Variants in ZRANB3 observed in about 807,000 individuals in gnomAD.
ZRANB3 encodes the protein zinc finger RANBP2-type containing 3.
A neutral mutation model predicts 133.8 loss-of-function variants in ZRANB3; 125 were observed. The observed-to-expected ratio is 0.93, with a 90% CI of 0.81 to 1.08. The LOEUF (loss-of-function observed/expected upper bound fraction) is 1.08. Among genes scored for constraint, ZRANB3 ranks in the 50% least tolerant of loss-of-function variants. The probability of loss-of-function intolerance (pLI) is 0.00; values close to 1 mark genes in which losing one functional copy is unlikely to be tolerated. For missense variants in ZRANB3, 1,229 were observed against 1,275.5 expected (o/e 0.96, Z 0.56); for synonymous variants, 387 against 432.7 (o/e 0.89, Z 1.31).
At chr2:135,335,678 G>C (rs1684336948) in intron 6 of ZRANB3, among the ~76,000 whole-genome samples, 1 of 151,484 alleles carries the variant, frequency 6.6e-6, no homozygotes, top group Admixed American at 6.6e-5. Context: ...AGGCAAAAGA[G>C]CAAGACTCTG....
At chr2:135,416,276 C>G (rs1303436572) in intron 2 of ZRANB3, among the ~76,000 whole-genome samples, 1 of 152,032 alleles carries the variant, frequency 6.6e-6, no homozygotes, top group Non-Finnish European at 1.5e-5. Flanking sequence ...GATACAAAAT[C>G]AATGTGCAAA....
At chr2:135,264,452 T>C (rs116685148) in intron 12 of ZRANB3, among the ~76,000 whole-genome samples, 4 of 125,268 alleles carry the variant, frequency 3.2e-5, no homozygotes, top group Admixed American at 9.4e-5. Flanking sequence ...GCCAGGGCAA[T>C]AGTGCAAGAC....
At chr2:135,314,265 G>A (rs945937579) in intron 7 of ZRANB3, among the ~76,000 whole-genome samples, 1 of 152,176 alleles carries the variant, frequency 6.6e-6, no homozygotes, top group Non-Finnish European at 1.5e-5. Flanking sequence ...TTTGTAAAAA[G>A]ATGTGGTTTG....
At chr2:135,417,747 G>A (rs962682534) in intron 2 of ZRANB3, among the ~76,000 whole-genome samples, 4 of 152,204 alleles carry the variant, frequency 2.6e-5, no homozygotes, top group African/African-American at 9.7e-5. Flanking sequence ...TTAAGAAAAT[G>A]TGGCACATAT....
chr2:135,475,715 T>C (rs1559023547), intron 2 of ZRANB3, among the ~76,000 whole-genome samples: 2 of 152,196 alleles, frequency 1.3e-5, no homozygotes, highest in Admixed American at 6.5e-5. Context: ...CACAAAAACA[T>C]ACACAGTGCC....
At chr2:135,364,056 A>C (rs145034517) in intron 3 of ZRANB3, among the ~76,000 whole-genome samples, 1 of 152,012 alleles carries the variant, frequency 6.6e-6, no homozygotes, top group Non-Finnish European at 1.5e-5. Context: ...TAAAAATAAA[A>C]GAAATGAAGG....
At chr2:135,253,452 C>G (rs1016479703) in intron 12 of ZRANB3, among the ~76,000 whole-genome samples, 1 of 152,090 alleles carries the variant, frequency 6.6e-6, no homozygotes, top group Non-Finnish European at 1.5e-5. Flanking sequence ...CTATGCTTTG[C>G]TTAACAACGG....
chr2:135,361,251 T>C (rs1685682726), intron 3 of ZRANB3, among the ~76,000 whole-genome samples: 1 of 152,190 alleles, frequency 6.6e-6, no homozygotes, highest in East Asian at 1.9e-4. Context: ...CAGTGTTTCA[T>C]CACCATTAAG....
At chr2:135,441,991 T>C (rs1025117402) in intron 2 of ZRANB3, among the ~76,000 whole-genome samples, 2 of 152,124 alleles carry the variant, frequency 1.3e-5, no homozygotes, top group Non-Finnish European at 2.9e-5. Flanking sequence ...TATATCGCCA[T>C]ATGTAGAAAG....
Position 135,504,183 on chromosome 2 carries a change from T to C in ZRANB3, c.161+146A>G, listed in dbSNP as rs535557334. On this transcript the variant is annotated intron_variant, in intron 2 of 20. Transcript: ENST00000264159. Reference sequence around the variant, plus strand: ...TTCAACATGAAGTATAAGTCAACCATAGTAAATGGATAAAGCTAACTTGGT... The same window carrying C: ...TTCAACATGAAGTATAAGTCAACCACAGTAAATGGATAAAGCTAACTTGGT... 2.7e-5 allele frequency: 24 copies of C among 878,842 alleles called. No individual in the cohort carries two copies. The African/African-American group carries it at 3.5e-4, about 13-fold the overall frequency. The allele number at this position is 878,842 out of a possible 1,614,324, so 54.4% of individuals were successfully genotyped here. A position where few individuals can be genotyped will look rare whatever the true frequency, so the allele number is the denominator to read the frequency against.
At chr2:135,324,941 A>T (rs1683737940) in intron 6 of ZRANB3, among the ~76,000 whole-genome samples, 1 of 152,000 alleles carries the variant, frequency 6.6e-6, no homozygotes, top group African/African-American at 2.4e-5. Context: ...TTTTCTTGTA[A>T]ATTTGTTTAA....
intron 2 of ZRANB3, among the ~76,000 whole-genome samples, chr2:135,416,311 T>G (rs1289551935): frequency 6.6e-6 from 1 of 151,974 alleles, no homozygotes; most frequent in Admixed American, 6.6e-5. Flanking sequence ...TTATACACCA[T>G]CAACAGACAA....
chr2:135,399,328 C>A (rs989741436), intron 2 of ZRANB3, among the ~76,000 whole-genome samples: 2 of 152,100 alleles, frequency 1.3e-5, no homozygotes, highest in Non-Finnish European at 2.9e-5. Context: ...AAAACTACAA[C>A]CTCAGATAGT....
chr2:135,369,677 G>A (rs968239314), intron 3 of ZRANB3, among the ~76,000 whole-genome samples: 6 of 152,150 alleles, frequency 3.9e-5, no homozygotes, highest in African/African-American at 1.2e-4. Flanking sequence ...GCCGAAGTAA[G>A]GTGGGGACCT....
At chr2:135,466,382 C>CAAAAA (rs553890734) in intron 2 of ZRANB3, among the ~76,000 whole-genome samples, 16 of 28,232 alleles carry the variant, frequency 5.7e-4, no homozygotes, top group South Asian at 2.0e-3. Context: ...GACTCCGTCA[C>CAAAAA]AAAAAAAAAA....
In ZRANB3 at chr2:135,286,019, C is replaced by T. The variant is rs1223211228; in HGVS notation, c.967-10264G>A. Among the ~76,000 whole-genome samples, 3 of 152,100 alleles carry T rather than the reference C, an allele frequency of 2.0e-5. No homozygotes were observed. The East Asian group carries it at 5.8e-4, about 29-fold the overall frequency. On this transcript the variant is annotated intron_variant, in intron 8 of 20. Transcript: ENST00000264159. The stretch of plus-strand genomic sequence containing the variant: ...CTGGTAACATTGATTATTTTTGGTT[C>T]ATTCCTTTACTATTTATCATCATTA...
At chr2:135,351,454 G>C (rs1174312200) in intron 4 of ZRANB3, among the ~76,000 whole-genome samples, 1 of 151,656 alleles carries the variant, frequency 6.6e-6, no homozygotes. Flanking sequence ...TTTTAGCCAG[G>C]ATGGTCTCGA....
intron 2 of ZRANB3, among the ~76,000 whole-genome samples, chr2:135,495,738 G>A (rs1009672397): frequency 2.6e-5 from 4 of 152,104 alleles, no homozygotes; most frequent in Non-Finnish European, 1.5e-5. Context: ...TAATTTAGGA[G>A]GATGGGGTTG....
At chr2:135,257,186 G>A (rs1277868501) in intron 12 of ZRANB3, among the ~76,000 whole-genome samples, 1 of 152,164 alleles carries the variant, frequency 6.6e-6, no homozygotes, top group African/African-American at 2.4e-5. Context: ...CCATTCTTTA[G>A]TTTCTTTACT....
Sources: allele counts gnomAD v4.1 joint callset (sites outside exome capture counted in the v4.1 genomes callset), GRCh38; gene constraint gnomAD v4.1.1; transcripts MANE v1.5; gene names NCBI Gene and HGNC (gene_info 2026-07-23, HGNC 2026-07-21).